Variants in FAM83D observed in about 807,000 individuals in gnomAD.
FAM83D encodes the protein protein FAM83D.
FAM83D carries 26 observed loss-of-function variants against 25.4 expected under a neutral mutation model. That is an observed-to-expected ratio of 1.02 (90% CI 0.75 to 1.42). FAM83D has a LOEUF of 1.42. Ranked by LOEUF, FAM83D falls within the 40% of genes most tolerant of loss-of-function variation. FAM83D has a pLI of 0.00. For missense variants in FAM83D, 740 were observed against 758.1 expected (o/e 0.98, Z 0.28); for synonymous variants, 310 against 318.5 (o/e 0.97, Z 0.28).
chr20:38,942,006 A>G lies in FAM83D; in HGVS notation c.531A>G (p.Arg177=), dbSNP rs773270928. 6.2e-7 allele frequency: 1 copy of G among 1,614,222 alleles called. No individual in the cohort carries two copies. Among genetic ancestry groups the G allele is most frequent in the South Asian group, 1.1e-5 (1 of 91,082 alleles). The change falls in exon 2 of 4, where the codon AGA becomes AGG. Residue 177 remains arginine, a synonymous_variant. Transcript: ENST00000619850. ...TGTTCACAGACATCGACATCTTCAG[A>G]GACCTGCAAGAAATATGCAGGAAAC... The part of the protein sequence containing the change: ...MDVFTDIDIF[R]DLQEICRKQG...
At chr20:38,928,614 G>T (rs2085646335) in intron 1 of FAM83D, among the ~76,000 whole-genome samples, 1 of 152,206 alleles carries the variant, frequency 6.6e-6, no homozygotes. Flanking sequence ...GCTGTGGATT[G>T]TTCTAGTCTT....
intron 1 of FAM83D, among the ~76,000 whole-genome samples, chr20:38,928,750 C>T (rs1332508686): frequency 1.3e-5 from 2 of 152,184 alleles, no homozygotes; most frequent in African/African-American, 4.8e-5. Flanking sequence ...TCCCTCATCT[C>T]ACGGGCATTT....
intron 2 of FAM83D, among the ~76,000 whole-genome samples, chr20:38,942,971 C>A (rs954790075): frequency 6.6e-6 from 1 of 151,834 alleles, no homozygotes; most frequent in Non-Finnish European, 1.5e-5. Context: ...CCCTTTTAAT[C>A]ACAGCAACCA....
chr20:38,933,739 A>T (rs1358238680), intron 1 of FAM83D, among the ~76,000 whole-genome samples: 1 of 152,176 alleles, frequency 6.6e-6, no homozygotes, highest in Non-Finnish European at 1.5e-5. Context: ...TCACTAGCCG[A>T]ATCTCCAGAG....
chr20:38,949,980 A>C (rs1193022450), intron 3 of FAM83D, among the ~76,000 whole-genome samples: 1 of 152,030 alleles, frequency 6.6e-6, no homozygotes, highest in Non-Finnish European at 1.5e-5. Flanking sequence ...CACCACGCCC[A>C]GCTAACTTTT....
chr20:38,926,885 G>T lies in FAM83D; in HGVS notation c.443G>T (p.Cys148Phe), dbSNP rs889009859. ...RGAGEGGPYG[C>F]KDALRQQLRS... ...GCTGGCGAAGGTGGCCCCTACGGCT[G>T]CAAGGACGCTCTGCGCCAGCAGCTC... Residue 148 changes from cysteine (C) to phenylalanine (F), a missense_variant, in exon 1 of 4, where the codon TGC (cysteine) becomes TTC (phenylalanine). Coordinates refer to ENST00000619850, the MANE Select transcript of FAM83D (RefSeq NM_030919.3). The T allele has an allele frequency of 1.3e-6, 2 of 1,495,560 alleles. No individual in the cohort carries two copies. The highest frequency in any genetic ancestry group is 4.4e-5 in the Admixed American group (2 of 45,668). The allele number at this position is 1,495,560 out of a possible 1,614,324, so 92.6% of individuals were successfully genotyped here. A position where few individuals can be genotyped will look rare whatever the true frequency, so the allele number is the denominator to read the frequency against.
At chr20:38,942,207 G>C in intron 2 of FAM83D, 81 bp downstream of exon 2, 1 of 1,476,688 alleles carries the variant, frequency 6.8e-7, no homozygotes, top group Non-Finnish European at 9.4e-7. Flanking sequence ...GGCTGGTGGC[G>C]GTATCCCTGT....
chr20:38,942,572 A>G (rs904209952), intron 2 of FAM83D, among the ~76,000 whole-genome samples: 1 of 152,226 alleles, frequency 6.6e-6, no homozygotes, highest in Non-Finnish European at 1.5e-5. Flanking sequence ...ATATGATATG[A>G]TTCCATTAAG....
At chr20:38,937,494 T>C (rs1568696773) in intron 1 of FAM83D, among the ~76,000 whole-genome samples, 2 of 152,182 alleles carry the variant, frequency 1.3e-5, no homozygotes, top group African/African-American at 4.8e-5. Flanking sequence ...GTCCAGGTCA[T>C]TGCTCAGCTC....
chr20:38,951,751 T>A lies in FAM83D; in HGVS notation c.989T>A (p.Leu330Gln), dbSNP rs771217423. The change falls in exon 4 of 4, where the codon CTG becomes CAG. Residue 330 changes from leucine (L) to glutamine (Q), a missense_variant. Coordinates refer to ENST00000619850, the MANE Select transcript of FAM83D (RefSeq NM_030919.3). ...AAGGAGCTCACCCTGGGCAACCTGCTGCGGATGCGGCTGGCTAGGCTGTCA... is the reference window on the plus strand; with the variant it reads ...AAGGAGCTCACCCTGGGCAACCTGCAGCGGATGCGGCTGGCTAGGCTGTCA... Reference protein sequence around the residue: ...QSKELTLGNLLRMRLARLSST... With the variant: ...QSKELTLGNLQRMRLARLSST... 6.2e-7 allele frequency: 1 copy of A among 1,614,172 alleles called. No individual in the cohort carries two copies. The highest frequency in any genetic ancestry group is 8.5e-7 in the Non-Finnish European group (1 of 1,180,024).
In FAM83D at chr20:38,952,669, T is replaced by A; in HGVS notation, c.*149T>A. Reference sequence around the variant, plus strand: ...TCTTTGAATTCTTTAGGCTGCATATTATTTTACATGCTTTGTTTTGTCATG... The same window carrying A: ...TCTTTGAATTCTTTAGGCTGCATATAATTTTACATGCTTTGTTTTGTCATG... On this transcript the variant is annotated 3_prime_UTR_variant, in exon 4 of 4. Transcript: ENST00000619850. 1.1e-6 allele frequency: 1 copy of A among 880,822 alleles called. No individual in the cohort carries two copies. Among genetic ancestry groups the A allele is most frequent in the Non-Finnish European group, 1.7e-6 (1 of 574,798 alleles). The allele number at this position is 880,822 out of a possible 1,614,324, so 54.6% of individuals were successfully genotyped here.
chr20:38,939,783 A>G (rs990433966), intron 1 of FAM83D, among the ~76,000 whole-genome samples: 1 of 152,220 alleles, frequency 6.6e-6, no homozygotes, highest in Non-Finnish European at 1.5e-5. Flanking sequence ...TGCAGCCCAC[A>G]GCGTGCTCTG....
At chr20:38,950,304 G>C (rs2085747544) in intron 3 of FAM83D, among the ~76,000 whole-genome samples, 2 of 152,192 alleles carry the variant, frequency 1.3e-5, no homozygotes, top group Non-Finnish European at 2.9e-5. Flanking sequence ...GCATCCAAGG[G>C]AATAGGATAC....
At chr20:38,939,179 C>A (rs893544582) in intron 1 of FAM83D, among the ~76,000 whole-genome samples, 7 of 152,186 alleles carry the variant, frequency 4.6e-5, no homozygotes, top group Non-Finnish European at 1.0e-4. Context: ...TGCGGGAATG[C>A]CTTCTCCTCC....
chr20:38,943,181 C>T (rs988430191), intron 2 of FAM83D, among the ~76,000 whole-genome samples: 8 of 152,120 alleles, frequency 5.3e-5, no homozygotes, highest in African/African-American at 7.2e-5. Flanking sequence ...CGTACCACCA[C>T]ACCTGGCTAA....
chr20:38,930,105 AG>A (rs2085652886), intron 1 of FAM83D, among the ~76,000 whole-genome samples: 1 of 152,218 alleles, frequency 6.6e-6, no homozygotes, highest in Non-Finnish European at 1.5e-5. Flanking sequence ...ATTGTGGACA[AG>A]GGAGTGGCTG....
chr20:38,948,556 G>C (rs190684326), intron 3 of FAM83D, among the ~76,000 whole-genome samples: 1 of 152,336 alleles, frequency 6.6e-6, no homozygotes. Flanking sequence ...TTAAGGTAGA[G>C]AGCAGGAAGG....
chr20:38,949,289 G>A (rs1369601250), intron 3 of FAM83D, among the ~76,000 whole-genome samples: 1 of 151,888 alleles, frequency 6.6e-6, no homozygotes, highest in Non-Finnish European at 1.5e-5. Context: ...AGCCTCCCGA[G>A]TAGCTGGGAC....
rs1302679416 is a variant in FAM83D at position 38,953,041 on chromosome 20, TTC to T, written c.*523_*524del. ...CCTATTTAGAAAAAATAAAACTACT[TTC>T]TGTTTATCTCTTTAGAATATCTGTG... On this transcript the variant is annotated 3_prime_UTR_variant, in exon 4 of 4. Coordinates refer to ENST00000619850, the MANE Select transcript of FAM83D (RefSeq NM_030919.3). The T allele has an allele frequency of 6.5e-5, 10 of 154,556 alleles. No homozygotes were observed. The highest frequency in any genetic ancestry group is 1.9e-4 in the Admixed American group (3 of 15,802). The allele number at this position is 154,556 out of a possible 1,614,324, so 9.6% of individuals were successfully genotyped here.
Sources: gnomAD v4.1 joint callset for allele counts (sites outside exome capture counted in the v4.1 genomes callset) on GRCh38, gnomAD v4.1.1 for gene constraint, MANE v1.5 for transcripts, NCBI Gene and HGNC (gene_info 2026-07-23, HGNC 2026-07-21) for gene names.